TYW1: variants seen among roughly 807,000 people sequenced by gnomAD.
The protein encoded by TYW1 is tRNA-yW synthesizing protein 1 homolog.
A neutral mutation model predicts 96.2 loss-of-function variants in TYW1; 46 were observed. The ratio of observed to expected loss-of-function variants is 0.48; its 90% CI spans 0.38 to 0.61. TYW1 has a LOEUF of 0.61. Among genes scored for constraint, TYW1 ranks in the 20% least tolerant of loss-of-function variants. The pLI is 0.00. For missense variants in TYW1, 684 were observed against 909.6 expected, an observed-to-expected ratio of 0.75 and a Z score of 3.19; for synonymous variants, 274 against 323.0, an observed-to-expected ratio of 0.85 and a Z score of 1.63.
At chr7:67,030,745 C>T (rs920847200) in intron 7 of TYW1, among the ~76,000 whole-genome samples, 2 of 151,788 alleles carry the variant, frequency 1.3e-5, no homozygotes, top group African/African-American at 4.8e-5. Flanking sequence ...ACAGATGAGC[C>T]CTGGGACATC....
chr7:67,032,885 CTTTTTTTTTTTTTTTTTTT>C (rs778743156), intron 7 of TYW1, among the ~76,000 whole-genome samples: 1 of 76,256 alleles, frequency 1.3e-5, no homozygotes, highest in African/African-American at 6.0e-5. Context: ...AGAAGTATAC[CTTTTTTTTTTTTTTTTTTT>C]TTTTTTTTTT....
intron 4 of TYW1, among the ~76,000 whole-genome samples, chr7:67,013,263 C>T (rs1470068758): frequency 6.6e-6 from 1 of 152,028 alleles, no homozygotes; most frequent in East Asian, 1.9e-4. Flanking sequence ...GCTGGAACTA[C>T]AGGCACCCAC....
intron 15 of TYW1, among the ~76,000 whole-genome samples, chr7:67,220,372 T>G (rs1401138604): frequency 1.3e-5 from 2 of 151,352 alleles, no homozygotes; most frequent in Non-Finnish European, 3.0e-5. Context: ...CCTGGCTAAT[T>G]TTTTGTATTT....
chr7:67,175,126 A>G (rs1195217161), intron 13 of TYW1, among the ~76,000 whole-genome samples: 1 of 151,970 alleles, frequency 6.6e-6, no homozygotes, highest in African/African-American at 2.4e-5. Context: ...CAACTATTCC[A>G]GAGAGGAATA....
rs550490314 is a variant in TYW1, at chr7:67,006,744, A to AT, written c.274-2831dup. On this transcript the variant is annotated intron_variant, in intron 3 of 15. Coordinates refer to ENST00000359626, the MANE Select transcript of TYW1 (RefSeq NM_018264.4). ...CATGAGCCACCATGCCCGGCCAGGT[A>AT]TTTTTTTTATAGCAATGCAAGAATG... is the stretch of plus-strand genomic sequence containing the variant. Among the ~76,000 whole-genome samples the AT allele has an allele frequency of 1.4e-4, 21 of 151,538 alleles. No homozygotes were observed. In the South Asian group the frequency reaches 3.3e-3, roughly 24 times the overall value.
intron 15 of TYW1, among the ~76,000 whole-genome samples, chr7:67,222,862 T>C (rs73144511): frequency 0.27 from 36,582 of 137,296 alleles, 4,797 homozygotes; most frequent in African/African-American, 0.34. Context: ...TGTTCGCTTT[T>C]TTTCTTTTTT....
At chr7:67,028,409 T>G (rs533987927) in intron 7 of TYW1, among the ~76,000 whole-genome samples, 1 of 152,298 alleles carries the variant, frequency 6.6e-6, no homozygotes, top group East Asian at 1.9e-4. Flanking sequence ...TAGCTGGGTG[T>G]GGTGGCGCAT....
intron 13 of TYW1, among the ~76,000 whole-genome samples, chr7:67,182,093 T>C (rs907389724): frequency 6.6e-6 from 1 of 152,210 alleles, no homozygotes; most frequent in African/African-American, 2.4e-5. Flanking sequence ...CCTCCCAAAG[T>C]GCTGGGATTA....
chr7:67,008,246 A>G (rs1448061309), intron 3 of TYW1, among the ~76,000 whole-genome samples: 1 of 152,122 alleles, frequency 6.6e-6, no homozygotes, highest in Non-Finnish European at 1.5e-5. Flanking sequence ...TCCCCAGCAC[A>G]TTGGTATGTT....
chr7:67,175,652 A>G (rs1379451152), intron 13 of TYW1, among the ~76,000 whole-genome samples: 2 of 152,230 alleles, frequency 1.3e-5, no homozygotes, highest in Admixed American at 6.5e-5. Flanking sequence ...AAATCAACCT[A>G]TTTATGATGT....
intron 12 of TYW1, among the ~76,000 whole-genome samples, chr7:67,107,673 G>C (rs187650892): frequency 6.6e-6 from 1 of 151,980 alleles, no homozygotes; most frequent in African/African-American, 2.4e-5. Context: ...GGCAGGCTAA[G>C]TAATGTTGGT....
chr7:67,201,256 A>C (rs559138815), intron 15 of TYW1, among the ~76,000 whole-genome samples: 39 of 143,716 alleles, frequency 2.7e-4, no homozygotes, highest in African/African-American at 1.0e-3. Flanking sequence ...ACTTGAGTGC[A>C]GGAATTCTAG....
At chr7:67,201,627 C>T (rs551868822) in intron 15 of TYW1, among the ~76,000 whole-genome samples, 5 of 151,956 alleles carry the variant, frequency 3.3e-5, no homozygotes, top group African/African-American at 9.7e-5. Flanking sequence ...GACTCGGTGA[C>T]GTCAGGAAGA....
intron 13 of TYW1, among the ~76,000 whole-genome samples, chr7:67,166,522 TC>T (rs1024679042): frequency 7.1e-6 from 1 of 140,074 alleles, no homozygotes; most frequent in African/African-American, 2.8e-5. Context: ...CAGAGTTCTC[TC>T]CTGGTCATCA....
At chr7:67,058,606 C>G (rs1317434549) in intron 9 of TYW1, among the ~76,000 whole-genome samples, 1 of 152,088 alleles carries the variant, frequency 6.6e-6, no homozygotes, top group Non-Finnish European at 1.5e-5. Flanking sequence ...TCCTCAGCCT[C>G]CCAAGTAGTG....
intron 3 of TYW1, among the ~76,000 whole-genome samples, chr7:67,008,239 C>T (rs1315721410): frequency 6.6e-6 from 1 of 152,174 alleles, no homozygotes; most frequent in Non-Finnish European, 1.5e-5. Context: ...TGTCTTCTCC[C>T]CAGCACATTG....
chr7:67,014,098 A>C (rs1793921197), intron 4 of TYW1, among the ~76,000 whole-genome samples: 1 of 152,010 alleles, frequency 6.6e-6, no homozygotes, highest in Non-Finnish European at 1.5e-5. Flanking sequence ...ATTAGCGATG[A>C]TGAGAATGTA....
intron 12 of TYW1, among the ~76,000 whole-genome samples, chr7:67,109,301 A>G (rs1202492187): frequency 6.6e-6 from 1 of 151,408 alleles, no homozygotes; most frequent in Middle Eastern, 3.4e-3. Context: ...AAAAAGAAAG[A>G]AAATATATTG....
chr7:67,175,855 C>CA (rs759300067), intron 13 of TYW1, among the ~76,000 whole-genome samples: 63 of 152,274 alleles, frequency 4.1e-4, no homozygotes, highest in Middle Eastern at 3.4e-3. Context: ...CAGAATAAGA[C>CA]AAGCATACCC....
Sources: allele counts gnomAD v4.1 joint callset (sites outside exome capture counted in the v4.1 genomes callset), GRCh38; gene constraint gnomAD v4.1.1; transcripts MANE v1.5; gene names NCBI Gene and HGNC (gene_info 2026-07-23, HGNC 2026-07-21).